Variants in CYFIP2 observed in about 807,000 individuals in gnomAD.
CYFIP2 encodes the protein cytoplasmic FMR1 interacting protein 2.
CYFIP2 carries 29 observed loss-of-function variants against 158.7 expected under a neutral mutation model. The ratio of observed to expected loss-of-function variants is 0.18; its 90% CI spans 0.14 to 0.25. The LOEUF is 0.25. Ranked by LOEUF, CYFIP2 falls within the 10% of genes least tolerant of loss-of-function variation. CYFIP2 has a pLI of 1.00. For synonymous variants in CYFIP2, 585 were observed against 617.6 expected (o/e 0.95, Z 0.78); for missense variants, 852 against 1,639.5 (o/e 0.52, Z 8.29).
intron 3 of CYFIP2, among the ~76,000 whole-genome samples, chr5:157,292,549 G>A (rs1393022813): frequency 6.6e-6 from 1 of 152,180 alleles, no homozygotes; most frequent in Admixed American, 6.5e-5. Flanking sequence ...CATCCATGTG[G>A]TAGCGTGTAT....
Position 157,323,931 on chromosome 5 carries a change from T to C in CYFIP2, c.1682T>C (p.Val561Ala). The C allele has an allele frequency of 6.3e-7, 1 of 1,587,040 alleles. No individual in the cohort carries two copies. The highest frequency in any genetic ancestry group is 8.6e-7 in the Non-Finnish European group (1 of 1,165,444). ...GCTTTCTTTTTCAAGCTGTACATGG[T>C]GCGGACCATGCTTGAATCACTCATT... ...VGPSSTQLYM[V>A]RTMLESLIAD... Residue 561 changes from valine to alanine, a missense_variant, in exon 16 of 31, where the codon GTG (valine) becomes GCG (alanine). This residue lies in a region of CYFIP2 where 167 missense variants were observed against 343.3 expected (regional missense o/e 0.49). Transcript: ENST00000620254.
rs374255511 is a variant in CYFIP2 at position 157,328,489 on chromosome 5, A to G, written c.2156+440A>G. ...TGCAGGCAAAAGGAACTGCTTGTGC[A>G]AGGACCCTGCGGTGGGAGTATGATG... On this transcript the variant is annotated intron_variant, in intron 19 of 30. Transcript: ENST00000620254. Among the ~76,000 whole-genome samples, 21 of 152,368 alleles carry G rather than the reference A, an allele frequency of 1.4e-4. No individual in the cohort carries two copies. In the East Asian group the frequency reaches 2.3e-3, roughly 17 times the overall value.
At chr5:157,313,968 G>A (rs912440530) in intron 11 of CYFIP2, among the ~76,000 whole-genome samples, 2 of 152,270 alleles carry the variant, frequency 1.3e-5, no homozygotes, top group Admixed American at 6.5e-5. Context: ...GGTGGCTCAC[G>A]TCTGTAATCC....
At chr5:157,304,146 C>A in intron 7 of CYFIP2, 92 bp from the exon 8 acceptor site, 1 of 1,466,406 alleles carries the variant, frequency 6.8e-7, no homozygotes. Context: ...TCAGCGGGGA[C>A]CACACCGGCC....
chr5:157,285,622 G>C, intron 2 of CYFIP2, 144 bp downstream of exon 2: 1 of 674,490 alleles, frequency 1.5e-6, no homozygotes, highest in South Asian at 1.9e-5. Flanking sequence ...TGCGCTGGTA[G>C]AGCCGAGTAT....
intron 20 of CYFIP2, 87 bp downstream of exon 20, chr5:157,330,937 G>A: frequency 3.0e-6 from 3 of 1,008,114 alleles, no homozygotes; most frequent in Non-Finnish European, 4.6e-6. Context: ...ATCAGGCCTG[G>A]GTATTGTCTG....
intron 23 of CYFIP2, among the ~76,000 whole-genome samples, chr5:157,347,422 A>C (rs191869372): frequency 6.6e-6 from 1 of 152,170 alleles, no homozygotes; most frequent in African/African-American, 2.4e-5. Flanking sequence ...TTGATCAGAA[A>C]GTTGCTCTGC....
Position 157,392,895 on chromosome 5 carries a change from C to G in CYFIP2, c.3657C>G (p.Ala1219=). The G allele has an allele frequency of 6.2e-7, 1 of 1,613,978 alleles. No homozygotes were observed. Among genetic ancestry groups the G allele is most frequent in the Non-Finnish European group, 8.5e-7 (1 of 1,179,874 alleles). ...AGATCTTGAACAATGAGGTTTTTGC[C>G]ATCCTGAACAAATACATGAAGTCCG... ...KYQILNNEVF[A]ILNKYMKSVE... The change falls in exon 31 of 31, where the codon GCC becomes GCG. Residue 1219 remains alanine (A), a synonymous_variant. Coordinates refer to ENST00000620254, the MANE Select transcript of CYFIP2 (RefSeq NM_001037333.3).
At chr5:157,357,970 AG>A (rs1763529734) in intron 23 of CYFIP2, among the ~76,000 whole-genome samples, 1 of 152,236 alleles carries the variant, frequency 6.6e-6, no homozygotes, top group Non-Finnish European at 1.5e-5. Flanking sequence ...TACCCACTTC[AG>A]GGTGAGTGCA....
At chr5:157,381,395 C>T (rs1437911136) in intron 26 of CYFIP2, among the ~76,000 whole-genome samples, 2 of 151,276 alleles carry the variant, frequency 1.3e-5, no homozygotes, top group Non-Finnish European at 2.9e-5. Flanking sequence ...GGCATGATGG[C>T]GAGCGCCTGT....
chr5:157,392,209 T>C (rs2113567251), intron 30 of CYFIP2, among the ~76,000 whole-genome samples: 1 of 152,362 alleles, frequency 6.6e-6, no homozygotes, highest in Admixed American at 6.5e-5. Flanking sequence ...TTCATTCTCA[T>C]GGTGTCCCTT....
At chr5:157,298,842 T>G (rs1347431611) in intron 5 of CYFIP2, among the ~76,000 whole-genome samples, 1 of 152,218 alleles carries the variant, frequency 6.6e-6, no homozygotes, top group African/African-American at 2.4e-5. Flanking sequence ...TCCATCTGGC[T>G]CTCTTCAGTT....
In CYFIP2 at chr5:157,315,110, C is replaced by T; in HGVS notation, c.1356+16C>T. On this transcript the variant is annotated intron_variant, in intron 13 of 30. Transcript: ENST00000620254. Reference sequence around the variant, plus strand: ...CTTCGTTGAGGTAGGTGCAGACTCCCTGCATCTCCCTCCCTCCCCAAGGCT... The same window carrying T: ...CTTCGTTGAGGTAGGTGCAGACTCCTTGCATCTCCCTCCCTCCCCAAGGCT... 6.2e-7 allele frequency: 1 copy of T among 1,612,906 alleles called. No homozygotes were observed. The highest frequency in any genetic ancestry group is 1.1e-5 in the South Asian group (1 of 90,860).
chr5:157,310,965 G>A (rs1307820747), intron 10 of CYFIP2: 5 of 455,834 alleles, frequency 1.1e-5, no homozygotes, highest in African/African-American at 2.0e-5. Context: ...GATGGAGAGT[G>A]AAGATGTTCA....
At chr5:157,306,803 GC>G (rs1242736472) in intron 8 of CYFIP2, among the ~76,000 whole-genome samples, 2 of 151,700 alleles carry the variant, frequency 1.3e-5, no homozygotes, top group African/African-American at 2.4e-5. Context: ...AATCGCTTGA[GC>G]CCAGGAGGTT....
intron 19 of CYFIP2, 81 bp downstream of exon 19, chr5:157,328,130 C>T (rs1761170027): frequency 7.3e-7 from 1 of 1,364,536 alleles, no homozygotes; most frequent in East Asian, 2.4e-5. Flanking sequence ...TGAAACCTCC[C>T]TTCTTCTTTA....
chr5:157,374,724 T>C (rs2113463039), intron 26 of CYFIP2, among the ~76,000 whole-genome samples: 1 of 152,300 alleles, frequency 6.6e-6, no homozygotes, highest in South Asian at 2.1e-4. Flanking sequence ...GGCTCACCAG[T>C]CAGCTGTTCC....
chr5:157,395,508 T>C lies in CYFIP2; in HGVS notation c.*2508T>C, dbSNP rs1767667048. The C allele has an allele frequency of 1.6e-6, 1 of 628,126 alleles. No homozygotes were observed. Among genetic ancestry groups the C allele is most frequent in the Non-Finnish European group, 2.5e-6 (1 of 392,290 alleles). 38.9% of individuals were successfully genotyped at this position (628,126 alleles called of 1,614,324 possible). On this transcript the variant is annotated 3_prime_UTR_variant, in exon 31 of 31. Coordinates refer to ENST00000620254, the MANE Select transcript of CYFIP2 (RefSeq NM_001037333.3). ...ATATTTGCTATGCAGCTGAAGATGA[T>C]ATTTTGATTTGTATTTTGGGGGTAC... is the stretch of plus-strand genomic sequence containing the variant.
At chr5:157,331,688 C>G (rs10085141) in intron 20 of CYFIP2, among the ~76,000 whole-genome samples, 71,430 of 151,912 alleles carry the variant, frequency 0.47, 18,793 homozygotes, top group African/African-American at 0.72. Flanking sequence ...TTTTCTTTCA[C>G]CCTTTCAGAA....
Sources: allele counts gnomAD v4.1 joint callset (sites outside exome capture counted in the v4.1 genomes callset), GRCh38; gene constraint gnomAD v4.1.1; regional missense constraint gnomAD v4.1.1; transcripts MANE v1.5; gene names NCBI Gene and HGNC (gene_info 2026-07-23, HGNC 2026-07-21).